Variants in RBFOX1 observed in about 807,000 individuals in gnomAD.
The protein encoded by RBFOX1 is RNA binding fox-1 homolog 1.
A neutral mutation model predicts 57.7 loss-of-function variants in RBFOX1; 8 were observed. That is an observed-to-expected ratio of 0.14 (90% confidence interval 0.08 to 0.25). The LOEUF is 0.25. Ranked by LOEUF, RBFOX1 falls within the 10% of genes least tolerant of loss-of-function variation. RBFOX1 has a pLI of 1.00. For missense variants in RBFOX1, 611 were observed against 548.5 expected (o/e 1.11, Z -1.14); for synonymous variants, 326 against 222.4 (o/e 1.47, Z -4.15).
intron 1 of RBFOX1, among the ~76,000 whole-genome samples, chr16:5,459,122 G>A (rs1199095158): frequency 6.6e-6 from 1 of 152,138 alleles, no homozygotes; most frequent in East Asian, 1.9e-4. Context: ...CAGAGTCTCT[G>A]GTGAACCTCC....
At chr16:6,098,474 C>T (rs1018339420) in intron 1 of RBFOX1, among the ~76,000 whole-genome samples, 3 of 152,182 alleles carry the variant, frequency 2.0e-5, no homozygotes, top group Non-Finnish European at 4.4e-5. Context: ...GGCCCAGGTT[C>T]AAGGTTAGCA....
chr16:6,599,248 T>C (rs139067446), intron 2 of RBFOX1, among the ~76,000 whole-genome samples: 17 of 152,314 alleles, frequency 1.1e-4, no homozygotes, highest in Non-Finnish European at 2.1e-4. Flanking sequence ...AACTGCAATG[T>C]TCTTGGGGCT....
intron 11 of RBFOX1, among the ~76,000 whole-genome samples, chr16:7,650,380 A>C (rs1365190518): frequency 6.7e-6 from 1 of 148,328 alleles, no homozygotes; most frequent in Non-Finnish European, 1.5e-5. Flanking sequence ...CCAGGAATTG[A>C]TTTTCAGTCC....
intron 2 of RBFOX1, among the ~76,000 whole-genome samples, chr16:6,511,403 C>T (rs1016492579): frequency 2.0e-4 from 31 of 152,220 alleles, no homozygotes; most frequent in Middle Eastern, 3.4e-3. Context: ...GAATATCATA[C>T]GCAAAATGAA....
intron 3 of RBFOX1, among the ~76,000 whole-genome samples, chr16:6,717,590 T>A (rs1385633999): frequency 2.0e-5 from 3 of 152,096 alleles, no homozygotes; most frequent in Non-Finnish European, 4.4e-5. Context: ...AGTCTTTTTT[T>A]TTTTTTTACC....
At chr16:7,688,214 G>T (rs1241251561) in intron 14 of RBFOX1, among the ~76,000 whole-genome samples, 2 of 125,596 alleles carry the variant, frequency 1.6e-5, no homozygotes, top group Admixed American at 8.1e-5. Context: ...ATCCTTGGCA[G>T]GTTTAAATGT....
intron 4 of RBFOX1, among the ~76,000 whole-genome samples, chr16:7,208,496 G>A (rs2090449012): frequency 6.6e-6 from 1 of 152,114 alleles, no homozygotes; most frequent in Non-Finnish European, 1.5e-5. Flanking sequence ...GATACATAGT[G>A]GGAGGGGAAG....
intron 9 of RBFOX1, among the ~76,000 whole-genome samples, chr16:7,604,129 T>C (rs2095181409): frequency 6.6e-6 from 1 of 152,100 alleles, no homozygotes; most frequent in Non-Finnish European, 1.5e-5. Context: ...TTGATGAATT[T>C]TATTTTGAGC....
At chr16:7,124,923 T>G (rs2068107214) in intron 4 of RBFOX1, among the ~76,000 whole-genome samples, 1 of 152,146 alleles carries the variant, frequency 6.6e-6, no homozygotes, top group Non-Finnish European at 1.5e-5. Context: ...AATTAAAATC[T>G]GAGCCCTGGA....
At chr16:6,086,763 A>C (rs144543942) in intron 1 of RBFOX1, among the ~76,000 whole-genome samples, 135 of 152,360 alleles carry the variant, frequency 8.9e-4, no homozygotes, top group Middle Eastern at 3.4e-3. Context: ...CAAAAGAGAT[A>C]TTCAGCAGGT....
chr16:6,284,914 C>T (rs553190445), intron 1 of RBFOX1, among the ~76,000 whole-genome samples: 2 of 152,166 alleles, frequency 1.3e-5, no homozygotes, highest in African/African-American at 4.8e-5. Flanking sequence ...AAAACAAATA[C>T]GCTTCCAAAT....
At chr16:6,680,647 CTT>C (rs904489555) in intron 3 of RBFOX1, among the ~76,000 whole-genome samples, 2 of 152,108 alleles carry the variant, frequency 1.3e-5, no homozygotes, top group African/African-American at 4.8e-5. Context: ...ATTTTATACT[CTT>C]ATTTTAGTTT....
At chr16:6,839,604 C>T (rs1294991080) in intron 3 of RBFOX1, among the ~76,000 whole-genome samples, 2 of 152,236 alleles carry the variant, frequency 1.3e-5, no homozygotes, top group Middle Eastern at 3.4e-3. Flanking sequence ...ACTTGTCTTT[C>T]GGGGACCTTG....
intron 4 of RBFOX1, among the ~76,000 whole-genome samples, chr16:7,175,066 G>C (rs572023579): frequency 6.6e-6 from 1 of 150,784 alleles, no homozygotes; most frequent in East Asian, 2.0e-4. Context: ...TAATTCTGGG[G>C]TACATGTGCA....
At chr16:6,596,478 A>C (rs2097777737) in intron 2 of RBFOX1, among the ~76,000 whole-genome samples, 2 of 152,146 alleles carry the variant, frequency 1.3e-5, no homozygotes, top group Non-Finnish European at 1.5e-5. Flanking sequence ...TAATTCTCCT[A>C]CTAGGGAAAA....
intron 4 of RBFOX1, among the ~76,000 whole-genome samples, chr16:7,189,576 C>CAG (rs2084857223): frequency 6.6e-6 from 1 of 150,736 alleles, no homozygotes; most frequent in South Asian, 2.1e-4. Context: ...CACACACACA[C>CAG]ACACACACAC....
chr16:5,868,986 G>C (rs1220495362), intron 4 of RBFOX1, among the ~76,000 whole-genome samples: 1 of 152,098 alleles, frequency 6.6e-6, no homozygotes, highest in Admixed American at 6.6e-5. Flanking sequence ...AAAATTTTGT[G>C]ATGTATAGGC....
At chr16:6,734,718 C>A (rs2069633639) in intron 3 of RBFOX1, among the ~76,000 whole-genome samples, 1 of 152,198 alleles carries the variant, frequency 6.6e-6, no homozygotes, top group Non-Finnish European at 1.5e-5. Flanking sequence ...CACTAGACTT[C>A]AGTTCCTCTC....
intron 2 of RBFOX1, among the ~76,000 whole-genome samples, chr16:6,505,353 A>G (rs1046420209): frequency 6.6e-6 from 1 of 152,250 alleles, no homozygotes; most frequent in Non-Finnish European, 1.5e-5. Flanking sequence ...AAAAATGCAC[A>G]CATTTATGAT....
Sources: allele counts gnomAD v4.1 joint callset (sites outside exome capture counted in the v4.1 genomes callset), GRCh38; gene constraint gnomAD v4.1.1; transcripts MANE v1.5; gene names NCBI Gene and HGNC (gene_info 2026-07-23, HGNC 2026-07-21).